The following MICU1 variants were observed in gnomAD, a reference collection of about 807,000 sequenced individuals.
The protein encoded by MICU1 is calcium uptake protein 1, mitochondrial.
MICU1 carries 45 observed loss-of-function variants against 56.8 expected under a neutral mutation model. That is an observed-to-expected ratio of 0.79 (90% CI 0.62 to 1.02). MICU1 has a LOEUF of 1.02. MICU1 is among the 50% of genes least tolerant of loss of function. The pLI is 0.00. For synonymous variants in MICU1, 186 were observed against 195.1 expected (o/e 0.95, Z 0.39); for missense variants, 504 against 587.1 (o/e 0.86, Z 1.46).
intron 5 of MICU1, among the ~76,000 whole-genome samples, chr10:72,531,215 T>C (rs1355786422): frequency 6.6e-6 from 1 of 152,146 alleles, no homozygotes; most frequent in African/African-American, 2.4e-5. Context: ...GGGAAAAAAA[T>C]TATCCATTTA....
At chr10:72,622,929 T>C (rs923497900) in intron 1 of MICU1, among the ~76,000 whole-genome samples, 6 of 152,286 alleles carry the variant, frequency 3.9e-5, no homozygotes, top group African/African-American at 1.4e-4. Flanking sequence ...AATCACCTTC[T>C]TCTCCTGGCA....
chr10:72,383,030 G>C (rs919908670), intron 10 of MICU1, among the ~76,000 whole-genome samples: 2 of 152,096 alleles, frequency 1.3e-5, no homozygotes, highest in African/African-American at 4.8e-5. Flanking sequence ...TGGTTTGGGA[G>C]GCCAAGAATG....
chr10:72,424,737 G>A (rs1564859932), intron 8 of MICU1, among the ~76,000 whole-genome samples: 3 of 152,144 alleles, frequency 2.0e-5, no homozygotes, highest in Admixed American at 1.3e-4. Context: ...AGCCTTATTT[G>A]GGTCCAAAGA....
At chr10:72,603,836 A>C (rs888432060) in intron 1 of MICU1, among the ~76,000 whole-genome samples, 1 of 152,162 alleles carries the variant, frequency 6.6e-6, no homozygotes, top group Admixed American at 6.6e-5. Context: ...AACAAACAAA[A>C]AAACACCTGT....
chr10:72,585,803 C>T (rs1344198912), intron 1 of MICU1, among the ~76,000 whole-genome samples: 1 of 152,000 alleles, frequency 6.6e-6, no homozygotes, highest in Non-Finnish European at 1.5e-5. Context: ...CCCTCATAGA[C>T]ACCAAAATCC....
intron 8 of MICU1, among the ~76,000 whole-genome samples, chr10:72,467,215 G>T (rs562464565): frequency 6.6e-6 from 1 of 152,058 alleles, no homozygotes; most frequent in South Asian, 2.1e-4. Flanking sequence ...ACAGAGTCTT[G>T]CCCTGTTGCC....
At chr10:72,534,248 C>T (rs1839568368) in intron 4 of MICU1, among the ~76,000 whole-genome samples, 1 of 148,596 alleles carries the variant, frequency 6.7e-6, no homozygotes, top group African/African-American at 2.5e-5. Context: ...ACAAACAGAC[C>T]ATCTTAACAT....
intron 6 of MICU1, among the ~76,000 whole-genome samples, chr10:72,485,103 C>T (rs1866424441): frequency 6.6e-6 from 1 of 151,464 alleles, no homozygotes; most frequent in African/African-American, 2.4e-5. Flanking sequence ...ATTATTCAGC[C>T]AACAAGAAGA....
At chr10:72,465,455 T>C (rs1865764867) in intron 8 of MICU1, among the ~76,000 whole-genome samples, 1 of 149,132 alleles carries the variant, frequency 6.7e-6, no homozygotes, top group Non-Finnish European at 1.5e-5. Flanking sequence ...TAACCAAGAA[T>C]AGTACTGAAC....
chr10:72,530,202 A>G (rs1009995579), intron 5 of MICU1, among the ~76,000 whole-genome samples: 18 of 151,198 alleles, frequency 1.2e-4, no homozygotes, highest in Non-Finnish European at 1.9e-4. Context: ...GTGGTGGTGG[A>G]TGCCTGTAAT....
At chr10:72,515,633 A>G (rs1867623520) in intron 5 of MICU1, among the ~76,000 whole-genome samples, 1 of 152,224 alleles carries the variant, frequency 6.6e-6, no homozygotes, top group African/African-American at 2.4e-5. Context: ...CAATATATTT[A>G]TTCAAGCTTA....
chr10:72,511,994 G>T (rs1339228268), intron 5 of MICU1, among the ~76,000 whole-genome samples: 2 of 150,578 alleles, frequency 1.3e-5, no homozygotes, highest in African/African-American at 4.9e-5. Flanking sequence ...GCTTTACCAG[G>T]TTTCTAGGTA....
At chr10:72,533,602 A>C (rs991573351) in intron 5 of MICU1, 144 bp downstream of exon 5, 6 of 567,232 alleles carry the variant, frequency 1.1e-5, no homozygotes, top group African/African-American at 9.6e-5. Context: ...AGGTATGTAG[A>C]GGCACAGACC....
intron 8 of MICU1, among the ~76,000 whole-genome samples, chr10:72,446,564 A>G (rs543074874): frequency 3.9e-5 from 6 of 152,238 alleles, no homozygotes; most frequent in African/African-American, 1.4e-4. Context: ...CCTGACCTCA[A>G]GTGATCCACC....
intron 1 of MICU1, among the ~76,000 whole-genome samples, chr10:72,568,747 C>CTTTTTTT (rs72319510): frequency 3.6e-5 from 2 of 55,540 alleles, no homozygotes; most frequent in African/African-American, 7.1e-5. Flanking sequence ...AGTTCTTATT[C>CTTTTTTT]TTTTTTTTTT....
At position 72,511,760 on chromosome 10, in the gene MICU1, G is replaced by A. The variant is rs79249923; in HGVS notation, c.538-3491C>T. On this transcript the variant is annotated intron_variant, in intron 5 of 11. Transcript: ENST00000361114. The stretch of plus-strand genomic sequence containing the variant: ...CAACGTTTTAACATAAACGCACAAT[G>A]CTTACACACAATAAATGCTGTGATA... 2.5e-3 allele frequency among the ~76,000 whole-genome samples: 386 copies of A among 152,274 alleles called. 4 individuals carry two copies. The highest frequency in any genetic ancestry group is 8.9e-3 in the African/African-American group (370 of 41,548).
chr10:72,609,723 G>GACCCC (rs1369267410), intron 1 of MICU1, among the ~76,000 whole-genome samples: 2 of 142,544 alleles, frequency 1.4e-5, no homozygotes, highest in Non-Finnish European at 3.0e-5. Context: ...AACAGAGCCA[G>GACCCC]ACCCCGTCTC....
chr10:72,379,508 T>C (rs1862632543), intron 10 of MICU1: 2 of 369,096 alleles, frequency 5.4e-6, no homozygotes, highest in South Asian at 3.9e-5. Context: ...TCTTCCATTC[T>C]CTCAGGGCAC....
rs1372998199 is a variant in MICU1, at chr10:72,486,494, CAG to C, written c.653-9240_653-9239del. On this transcript the variant is annotated intron_variant, in intron 6 of 11. Transcript: ENST00000361114. ...TTTTTTGTTTTGTTTTGTTTTGAGA[CAG>C]AGTTTCATTCTGTCGCCCAGGCTGG... Among the ~76,000 whole-genome samples the C allele has an allele frequency of 3.3e-5, 5 of 152,156 alleles. No homozygotes were observed. The East Asian group carries it at 9.6e-4, about 29-fold the overall frequency.
Sources: gnomAD v4.1 joint callset for allele counts (sites outside exome capture counted in the v4.1 genomes callset) on GRCh38, gnomAD v4.1.1 for gene constraint, MANE v1.5 for transcripts, NCBI Gene and HGNC (gene_info 2026-07-23, HGNC 2026-07-21) for gene names.